The following ULK4 variants were observed in gnomAD, a reference collection of about 807,000 sequenced individuals.
ULK4 encodes the protein inactive serine/threonine-protein kinase ULK4.
ULK4 carries 133 observed loss-of-function variants against 160.6 expected under a neutral mutation model. The observed-to-expected ratio is 0.83, with a 90% CI of 0.72 to 0.96. The LOEUF (loss-of-function observed/expected upper bound fraction) is 0.96, where lower values mean the gene tolerates loss of function less well. Ranked by LOEUF, ULK4 falls within the 40% of genes least tolerant of loss-of-function variation. ULK4 has a pLI of 0.00. For synonymous variants in ULK4, 534 were observed against 539.8 expected, an observed-to-expected ratio of 0.99 and a Z score of 0.15; for missense variants, 1,580 against 1,499.5, an observed-to-expected ratio of 1.05 and a Z score of -0.89.
intron 21 of ULK4, among the ~76,000 whole-genome samples, chr3:41,772,460 G>C (rs1222638316): frequency 3.3e-5 from 5 of 152,044 alleles, no homozygotes; most frequent in Non-Finnish European, 7.4e-5. Flanking sequence ...AAATAAACTA[G>C]AAAATCTAGA....
intron 35 of ULK4, among the ~76,000 whole-genome samples, chr3:41,305,828 C>A (rs1289331178): frequency 6.7e-6 from 1 of 149,816 alleles, no homozygotes; most frequent in African/African-American, 2.5e-5. Context: ...CGTCTCTGCC[C>A]GGCCGCCCAT....
chr3:41,547,933 A>G (rs1015208623), intron 32 of ULK4, among the ~76,000 whole-genome samples: 1 of 152,188 alleles, frequency 6.6e-6, no homozygotes, highest in African/African-American at 2.4e-5. Flanking sequence ...AGAGACTGAG[A>G]GTGGCCTGCC....
At chr3:41,389,296 A>G (rs1235074089) in intron 35 of ULK4, among the ~76,000 whole-genome samples, 1 of 152,160 alleles carries the variant, frequency 6.6e-6, no homozygotes, top group Non-Finnish European at 1.5e-5. Flanking sequence ...TTTTCTAGAT[A>G]TACAATCATG....
intron 34 of ULK4, among the ~76,000 whole-genome samples, chr3:41,431,767 C>T (rs1202221716): frequency 6.8e-6 from 1 of 146,818 alleles, no homozygotes; most frequent in Non-Finnish European, 1.5e-5. Context: ...AAAGATGCGA[C>T]TATTTCTTTT....
intron 17 of ULK4, among the ~76,000 whole-genome samples, chr3:41,839,455 C>T (rs1006163881): frequency 3.4e-5 from 5 of 148,770 alleles, no homozygotes; most frequent in Non-Finnish European, 7.4e-5. Context: ...TAATAATATA[C>T]AATTATTTGC....
chr3:41,353,908 A>C (rs1178066057), intron 35 of ULK4, among the ~76,000 whole-genome samples: 1 of 152,076 alleles, frequency 6.6e-6, no homozygotes, highest in Non-Finnish European at 1.5e-5. Flanking sequence ...TTAGAAGTTT[A>C]TTTCTTGTGT....
chr3:41,449,379 T>G (rs1266334127), intron 34 of ULK4, among the ~76,000 whole-genome samples: 1 of 152,184 alleles, frequency 6.6e-6, no homozygotes, highest in Non-Finnish European at 1.5e-5. Context: ...CTGTTGAATC[T>G]GAGGTACTTA....
At chr3:41,951,070 G>A (rs1049320682) in intron 2 of ULK4, among the ~76,000 whole-genome samples, 1 of 150,232 alleles carries the variant, frequency 6.7e-6, no homozygotes. Context: ...CGTGAACCCC[G>A]GGAGGCGGAG....
chr3:41,663,489 C>T (rs900810913), intron 30 of ULK4, 118 bp downstream of exon 30: 13 of 913,210 alleles, frequency 1.4e-5, no homozygotes, highest in African/African-American at 8.3e-5. Flanking sequence ...AAAAAAATGA[C>T]GATTTTGACA....
intron 34 of ULK4, among the ~76,000 whole-genome samples, chr3:41,426,751 G>C (rs960942414): frequency 6.6e-6 from 1 of 151,512 alleles, no homozygotes; most frequent in Non-Finnish European, 1.5e-5. Context: ...AGAATCTCTG[G>C]GAGGCAGTTA....
chr3:41,527,952 G>A (rs77088306), intron 32 of ULK4, among the ~76,000 whole-genome samples: 4,288 of 152,244 alleles, frequency 0.028, 180 homozygotes, highest in African/African-American at 0.093. Flanking sequence ...CATCAGAAAA[G>A]ATAAAAAGTT....
chr3:41,324,174 C>G (rs2080299545), intron 35 of ULK4, among the ~76,000 whole-genome samples: 2 of 152,190 alleles, frequency 1.3e-5, no homozygotes, highest in Non-Finnish European at 2.9e-5. Context: ...GTGTGCCCAG[C>G]TTGTGCTCAG....
At chr3:41,459,782 A>C (rs563858445) in intron 33 of ULK4, among the ~76,000 whole-genome samples, 185 of 152,284 alleles carry the variant, frequency 1.2e-3, no homozygotes, top group Admixed American at 2.7e-3. Flanking sequence ...ATCCACTTAC[A>C]AGATGGCAGT....
At chr3:41,286,306 G>A (rs946316582) in intron 35 of ULK4, among the ~76,000 whole-genome samples, 8 of 152,228 alleles carry the variant, frequency 5.3e-5, no homozygotes, top group African/African-American at 1.9e-4. Context: ...GGAGTGAGTG[G>A]GGCTGAGAGA....
intron 22 of ULK4, among the ~76,000 whole-genome samples, chr3:41,732,886 G>C (rs990371759): frequency 2.0e-5 from 3 of 152,088 alleles, no homozygotes; most frequent in Non-Finnish European, 2.9e-5. Flanking sequence ...TCGCTCATAT[G>C]TGGAATCTCA....
chr3:41,772,831 G>A (rs1159053292), intron 21 of ULK4, among the ~76,000 whole-genome samples: 2 of 152,104 alleles, frequency 1.3e-5, no homozygotes, highest in African/African-American at 2.4e-5. Flanking sequence ...ATAAAATACT[G>A]ACAAACCAAA....
At chr3:41,633,813 T>G (rs1462903471) in intron 30 of ULK4, among the ~76,000 whole-genome samples, 1 of 152,156 alleles carries the variant, frequency 6.6e-6, no homozygotes, top group Non-Finnish European at 1.5e-5. Flanking sequence ...CTCCAGGTAC[T>G]TGATTTGTCC....
At chr3:41,851,191 C>T (rs1339075965) in intron 17 of ULK4, among the ~76,000 whole-genome samples, 6 of 152,158 alleles carry the variant, frequency 3.9e-5, no homozygotes, top group African/African-American at 1.2e-4. Flanking sequence ...TTTGCCCATT[C>T]AGTATGATAT....
intron 35 of ULK4, among the ~76,000 whole-genome samples, chr3:41,297,897 G>A (rs907843218): frequency 6.6e-6 from 1 of 152,208 alleles, no homozygotes; most frequent in African/African-American, 2.4e-5. Flanking sequence ...AGGTCACAAA[G>A]GATGATGCTT....
Sources: gnomAD v4.1 joint callset for allele counts (sites outside exome capture counted in the v4.1 genomes callset) on GRCh38, gnomAD v4.1.1 for gene constraint, MANE v1.5 for transcripts, NCBI Gene and HGNC (gene_info 2026-07-23, HGNC 2026-07-21) for gene names.